The following ZBTB43 variants were observed in gnomAD, a reference collection of about 807,000 sequenced individuals.
ZBTB43 encodes zinc finger and BTB domain containing 43.
Under a neutral mutation model 31.1 loss-of-function variants are expected in ZBTB43, and 6 were observed. The observed-to-expected ratio is 0.19, with a 90% CI of 0.11 to 0.38. The LOEUF (loss-of-function observed/expected upper bound fraction) is 0.38, where lower values mean the gene tolerates loss of function less well. ZBTB43 is among the 10% of genes least tolerant of loss of function. ZBTB43 has a pLI of 1.00. For synonymous variants in ZBTB43, 212 were observed against 221.7 expected, an observed-to-expected ratio of 0.96 and a Z score of 0.39; for missense variants, 379 against 602.1, an observed-to-expected ratio of 0.63 and a Z score of 3.88.
At chr9:126,812,581 T>C (rs960449593) in intron 2 of ZBTB43, among the ~76,000 whole-genome samples, 3 of 152,178 alleles carry the variant, frequency 2.0e-5, no homozygotes, top group Non-Finnish European at 4.4e-5. Context: ...ACACCTGTTA[T>C]TGTCTGTCTG....
At chr9:126,813,104 C>G (rs972248251) in intron 2 of ZBTB43, among the ~76,000 whole-genome samples, 1 of 152,012 alleles carries the variant, frequency 6.6e-6, no homozygotes, top group Non-Finnish European at 1.5e-5. Flanking sequence ...TCTCAGCCTC[C>G]CGAATAGCTG....
chr9:126,807,096 C>A (rs531500428), intron 1 of ZBTB43, among the ~76,000 whole-genome samples: 2 of 152,060 alleles, frequency 1.3e-5, no homozygotes, highest in African/African-American at 4.8e-5. Context: ...TGTCTATTTG[C>A]CTTTAAGGTA....
intron 2 of ZBTB43, among the ~76,000 whole-genome samples, chr9:126,830,560 A>G (rs1305086696): frequency 6.6e-6 from 1 of 152,170 alleles, no homozygotes; most frequent in Non-Finnish European, 1.5e-5. Flanking sequence ...AGATGGGAGG[A>G]TCACCTGAGC....
chr9:126,815,762 A>G (rs1303662773), intron 2 of ZBTB43, among the ~76,000 whole-genome samples: 1 of 151,310 alleles, frequency 6.6e-6, no homozygotes, highest in African/African-American at 2.4e-5. Flanking sequence ...AGTTGTATAA[A>G]TCTTCTGTCA....
chr9:126,804,232 T>C (rs754178915), upstream of ZBTB43, among the ~76,000 whole-genome samples: 16 of 151,794 alleles, frequency 1.1e-4, no homozygotes, highest in Admixed American at 3.3e-4. Flanking sequence ...AGTGGGAGAA[T>C]TGGAGGCTAG....
rs191588058 is a variant in ZBTB43, at chr9:126,833,335, G to A, written c.826G>A (p.Val276Met). The change falls in exon 3 of 3, where the codon GTG (valine) becomes ATG (methionine). Residue 276 changes from valine (V) to methionine (M), a missense_variant. Physicochemically the swap from Val to Met is conservative, Grantham distance 21. Around this residue, in one of 5 missense-constraint regions of ZBTB43, gnomAD observed 253 missense variants for 322.3 expected, o/e 0.79. Transcript: ENST00000373464. This position sits in a 1 kb window ranked among gnomAD's most constrained non-coding sequence, Gnocchi z 7.9. ...CCAGGTCACAGAGTCCATCAACACC[G>A]TGCAGACAGAGCACACGGTGCAGCC... ...EHQVTESINT[V>M]QTEHTVQPSG... 838 of 1,612,838 alleles carry A rather than the reference G, an allele frequency of 5.2e-4. 1 individual carries two copies. Among genetic ancestry groups the A allele is most frequent in the Admixed American group, 1.4e-3 (85 of 59,772 alleles).
chr9:126,832,937 C>G lies in ZBTB43; in HGVS notation c.428C>G (p.Pro143Arg). The G allele has an allele frequency of 1.2e-6, 2 of 1,613,798 alleles. No homozygotes were observed. ...AATCATGGCAGTGACCACCAGTCAC[C>G]AAGCAGCAGTAGTTATAATGGCCTG... ...KLNHGSDHQS[P>R]SSSSYNGLVE... Residue 143 changes from proline (P) to arginine (R), a missense_variant, in exon 3 of 3, where the codon CCA becomes CGA. Pro to Arg is a moderately radical substitution (Grantham distance 103, BLOSUM62 -2). Around this residue, in one of 5 missense-constraint regions of ZBTB43, gnomAD observed 253 missense variants for 322.3 expected, o/e 0.79. Transcript: ENST00000373464.
At position 126,833,710 on chromosome 9, in the gene ZBTB43, G is replaced by A. The variant is rs1012112533; in HGVS notation, c.1201G>A (p.Gly401Ser). ...MSMHLGLRPY[G>S]CGVCGKKFKM... Reference sequence around the variant, plus strand: ...CATGCACCTCGGTCTTCGGCCTTACGGCTGTGGGGTCTGCGGTAAGAAATT... The same window carrying A: ...CATGCACCTCGGTCTTCGGCCTTACAGCTGTGGGGTCTGCGGTAAGAAATT... Residue 401 changes from glycine (G) to serine (S), a missense_variant, in exon 3 of 3, where the codon GGC (glycine) becomes AGC (serine). Gly to Ser is a moderately conservative substitution (Grantham distance 56). Transcript: ENST00000373464. The surrounding 1 kb of genome is among the most constrained non-coding windows in gnomAD (Gnocchi z 7.9). The A allele has an allele frequency of 4.4e-6, 7 of 1,608,784 alleles. No individual in the cohort carries two copies. Among genetic ancestry groups the A allele is most frequent in the East Asian group, 2.2e-5 (1 of 44,690 alleles).
In ZBTB43 at chr9:126,837,150, A is replaced by G. The variant is rs1175810596; in HGVS notation, c.*3237A>G. The G allele has an allele frequency of 3.0e-5, 5 of 166,924 alleles. No homozygotes were observed. The highest frequency in any genetic ancestry group is 5.9e-5 in the Non-Finnish European group (4 of 68,100). The allele number at this position is 166,924 out of a possible 1,614,324, so 10.3% of individuals were successfully genotyped here. A position where few individuals can be genotyped will look rare whatever the true frequency, so the allele number is the denominator to read the frequency against. On this transcript the variant is annotated 3_prime_UTR_variant, in exon 3 of 3. Transcript: ENST00000373464. ...ACTTATGCCATGCTTTTACCTTTAGATACACACGTTACAGTAATCCACGTG... is the reference window on the plus strand; with the variant it reads ...ACTTATGCCATGCTTTTACCTTTAGGTACACACGTTACAGTAATCCACGTG...
At position 126,837,136 on chromosome 9, in the gene ZBTB43, GCTTTTA is replaced by G. The variant is rs1398727086; in HGVS notation, c.*3225_*3230del. The G allele has an allele frequency of 6.0e-6, 1 of 166,890 alleles. No individual in the cohort carries two copies. The highest frequency in any genetic ancestry group is 1.5e-5 in the Non-Finnish European group (1 of 68,096). 10.3% of individuals were successfully genotyped at this position (166,890 alleles called of 1,614,324 possible). On this transcript the variant is annotated 3_prime_UTR_variant, in exon 3 of 3. Transcript: ENST00000373464. Reference sequence around the variant, plus strand: ...AAAAAAAAATTCATACTTATGCCATGCTTTTACCTTTAGATACACACGTTACAGTAA... The same window carrying G: ...AAAAAAAAATTCATACTTATGCCATGCCTTTAGATACACACGTTACAGTAA...
Position 126,835,000 on chromosome 9 carries a change from G to A in ZBTB43, c.*1087G>A, listed in dbSNP as rs999479579. On this transcript the variant is annotated 3_prime_UTR_variant, in exon 3 of 3. Transcript: ENST00000373464. ...TTCTATGAGTGGTTATACTTAAGGG[G>A]GACAAAACTGCCCAAGAAGAATCTT... 1.8e-5 allele frequency: 3 copies of A among 167,008 alleles called. No homozygotes were observed. Among genetic ancestry groups the A allele is most frequent in the African/African-American group, 7.2e-5 (3 of 41,392 alleles). The allele number at this position is 167,008 out of a possible 1,614,324, so 10.3% of individuals were successfully genotyped here. A position where few individuals can be genotyped will look rare whatever the true frequency, so the allele number is the denominator to read the frequency against.
chr9:126,815,995 A>T (rs1181206329), intron 2 of ZBTB43, among the ~76,000 whole-genome samples: 1 of 152,192 alleles, frequency 6.6e-6, no homozygotes, highest in Non-Finnish European at 1.5e-5. Context: ...CTTGTTTTTA[A>T]GCTTTGTTTG....
chr9:126,829,024 A>T (rs56279154), intron 2 of ZBTB43, among the ~76,000 whole-genome samples: 3,114 of 152,284 alleles, frequency 0.02, 119 homozygotes, highest in African/African-American at 0.072. Context: ...AGATAGGCAG[A>T]CTTTATTTTT....
intron 2 of ZBTB43, among the ~76,000 whole-genome samples, chr9:126,828,849 G>A (rs2032708437): frequency 6.6e-6 from 1 of 151,716 alleles, no homozygotes; most frequent in Admixed American, 6.6e-5. Context: ...TTTACAAAAA[G>A]CCCCACAGAT....
upstream of ZBTB43, among the ~76,000 whole-genome samples, chr9:126,804,816 A>C (rs1360139): frequency 2.6e-5 from 4 of 152,122 alleles, no homozygotes; most frequent in African/African-American, 9.7e-5. Context: ...TTTAGAACTC[A>C]GTATCTGCTC....
chr9:126,818,119 CTT>C (rs573239954), intron 2 of ZBTB43, among the ~76,000 whole-genome samples: 6 of 133,316 alleles, frequency 4.5e-5, no homozygotes, highest in Non-Finnish European at 6.5e-5. Context: ...TTTTCTTTTT[CTT>C]TTTTTTTTTT....
At chr9:126,809,159 A>G (rs951203198) in intron 2 of ZBTB43, among the ~76,000 whole-genome samples, 1 of 152,288 alleles carries the variant, frequency 6.6e-6, no homozygotes, top group African/African-American at 2.4e-5. Flanking sequence ...TAACTTAGAA[A>G]AATGTTAGAT....
chr9:126,821,718 T>G (rs2032514144), intron 2 of ZBTB43, among the ~76,000 whole-genome samples: 1 of 152,226 alleles, frequency 6.6e-6, no homozygotes, highest in Non-Finnish European at 1.5e-5. Flanking sequence ...CTACTCCTGG[T>G]GAAGATGGTG....
At chr9:126,817,727 C>T (rs1412224312) in intron 2 of ZBTB43, among the ~76,000 whole-genome samples, 4 of 152,160 alleles carry the variant, frequency 2.6e-5, no homozygotes, top group Non-Finnish European at 4.4e-5. Flanking sequence ...CCACCCACCT[C>T]GGCCTCCCAA....
Sources: gnomAD v4.1 joint callset for allele counts (sites outside exome capture counted in the v4.1 genomes callset) on GRCh38, gnomAD v4.1.1 for gene constraint, gnomAD v4.1.1 regional missense constraint, Gnocchi (gnomAD v3.1) non-coding constraint, MANE v1.5 for transcripts, NCBI Gene and HGNC (gene_info 2026-07-23, HGNC 2026-07-21) for gene names.